ATG2A: variants seen among roughly 807,000 people sequenced by gnomAD.
ATG2A encodes the protein autophagy-related protein 2 homolog A.
A neutral mutation model predicts 214.2 loss-of-function variants in ATG2A; 103 were observed. The ratio of observed to expected loss-of-function variants is 0.48; its 90% CI spans 0.41 to 0.57. The LOEUF (loss-of-function observed/expected upper bound fraction) is 0.57. ATG2A is among the 20% of genes least tolerant of loss of function. The pLI, the probability that ATG2A is intolerant of heterozygous loss-of-function variation, is 0.00. For missense variants in ATG2A, 2,312 were observed against 2,613.2 expected, an observed-to-expected ratio of 0.88 and a Z score of 2.51; for synonymous variants, 1,160 against 1,142.1, an observed-to-expected ratio of 1.02 and a Z score of -0.32.
At chr11:64,911,359 G>T in intron 9 of ATG2A, 84 bp from the exon 10 acceptor site, 2 of 1,408,936 alleles carry the variant, frequency 1.4e-6, no homozygotes, top group South Asian at 1.2e-5. Flanking sequence ...CAGGCTGGGG[G>T]TTGGGAGGCC....
intron 19 of ATG2A, 47 bp from the exon 20 acceptor site, chr11:64,906,862 C>T: frequency 6.3e-7 from 1 of 1,579,162 alleles, no homozygotes; most frequent in Non-Finnish European, 8.6e-7. Context: ...CACTCAGCAA[C>T]CCTCAAGCCC....
intron 24 of ATG2A, 83 bp downstream of exon 24, chr11:64,905,480 C>T (rs192404303): frequency 8.0e-6 from 11 of 1,374,636 alleles, no homozygotes; most frequent in South Asian, 1.2e-5. Context: ...ACATTAAGAC[C>T]GAGAGCACCA....
rs116134067 is a variant in ATG2A, at chr11:64,896,253, G to A, written c.5427+209C>T. On this transcript the variant is annotated intron_variant, in intron 39 of 40. Transcript: ENST00000377264. The stretch of plus-strand genomic sequence containing the variant: ...AGGCCTGGGGGGCACTCCCGCTCCT[G>A]CATGGGAGCCCCTGTGGGCCTCGGG... 8.7e-4 allele frequency among the ~76,000 whole-genome samples: 132 copies of A among 152,374 alleles called. 1 individual carries two copies. The highest frequency in any genetic ancestry group is 3.1e-3 in the African/African-American group (127 of 41,588).
rs1232122897 is a variant in ATG2A at position 64,906,551 on chromosome 11, G to A, written c.2984-18C>T. The A allele has an allele frequency of 1.2e-6, 2 of 1,610,888 alleles. No homozygotes were observed. The highest frequency in any genetic ancestry group is 8.5e-7 in the Non-Finnish European group (1 of 1,178,496). ...CACGGCCGCTGGGGAGGGGTCTCAT[G>A]AGCCCCCTGCCAAGCCAACTGGCTA... On this transcript the variant is annotated intron_variant, in intron 20 of 40. Transcript: ENST00000377264.
rs753043293 is a variant in ATG2A, at chr11:64,903,243, T to G, written c.3612+45A>C. On this transcript the variant is annotated intron_variant, in intron 26 of 40. Transcript: ENST00000377264. This position sits in a 1 kb window ranked among gnomAD's most constrained non-coding sequence, Gnocchi z 4.2. Reference sequence around the variant, plus strand: ...AGCCCCTGAAGACTCCCTTGGCCCCTGCACCTGCTGTGGCTCCAGGAGCCA... The same window carrying G: ...AGCCCCTGAAGACTCCCTTGGCCCCGGCACCTGCTGTGGCTCCAGGAGCCA... The G allele has an allele frequency of 1.3e-6, 2 of 1,588,180 alleles. No homozygotes were observed. Among genetic ancestry groups the G allele is most frequent in the South Asian group, 2.2e-5 (2 of 90,252 alleles).
At position 64,914,188 on chromosome 11, in the gene ATG2A, G is replaced by A. The variant is rs987700044; in HGVS notation, c.380C>T (p.Thr127Ile). 5 of 1,553,636 alleles carry A rather than the reference G, an allele frequency of 3.2e-6. No individual in the cohort carries two copies. In the Admixed American group the frequency reaches 5.8e-5, roughly 18 times the overall value. The change falls in exon 3 of 41, where the codon ACA becomes ATA. Residue 127 changes from threonine (T) to isoleucine (I), a missense_variant. Physicochemically the swap from Thr to Ile is moderately conservative, Grantham distance 89. Transcript: ENST00000377264. ...DSQSWASCMT[T>I]SLQLAQECLR... ...ACACTCCTGGGCCAGCTGCAGGCTT[G>A]TGGTCATGCATGAGGCCCAGCTCTG...
Position 64,911,146 on chromosome 11 carries a change from G to A in ATG2A, c.1358C>T (p.Thr453Met), listed in dbSNP as rs1292349846. 7 of 1,614,174 alleles carry A rather than the reference G, an allele frequency of 4.3e-6. No homozygotes were observed. The highest frequency in any genetic ancestry group is 2.7e-5 in the African/African-American group (2 of 75,056). The change falls in exon 10 of 41, where the codon ACG becomes ATG. Residue 453 changes from threonine (T) to methionine (M), a missense_variant. Coordinates refer to ENST00000377264, the MANE Select transcript of ATG2A (RefSeq NM_015104.3). Reference protein sequence around the residue: ...APSSGPPDLATHFFTEFDATK... With the variant: ...APSSGPPDLAMHFFTEFDATK... Reference sequence around the variant, plus strand: ...GGCATCAAACTCGGTGAAAAAGTGCGTGGCGAGGTCAGGTGGTCCGGAAGA... The same window carrying A: ...GGCATCAAACTCGGTGAAAAAGTGCATGGCGAGGTCAGGTGGTCCGGAAGA...
At chr11:64,901,172 CTTCTTT>C in intron 29 of ATG2A, 80 bp from the exon 30 acceptor site, 2 of 1,391,204 alleles carry the variant, frequency 1.4e-6, no homozygotes, top group Non-Finnish European at 1.9e-6. Context: ...CCTGGCCTCA[CTTCTTT>C]TTCATTTTTT....
chr11:64,898,646 T>G lies in ATG2A; in HGVS notation c.4661A>C (p.His1554Pro). ...HTSERMPRRAHSNMLTIKALH... is the reference protein window; with the variant it reads ...HTSERMPRRAPSNMLTIKALH... Reference sequence around the variant, plus strand: ...GCAGGTCGCTCATACCATGTTAGAGTGGGCACGTCGCGGCATCCGCTCACT... The same window carrying G: ...GCAGGTCGCTCATACCATGTTAGAGGGGGCACGTCGCGGCATCCGCTCACT... Residue 1554 changes from histidine (H) to proline (P), a missense_variant, in exon 32 of 41, where the codon CAC (histidine) becomes CCC (proline). Physicochemically the swap from His to Pro is moderately conservative, Grantham distance 77. Coordinates refer to ENST00000377264, the MANE Select transcript of ATG2A (RefSeq NM_015104.3). This position sits in a 1 kb window ranked among gnomAD's most constrained non-coding sequence, Gnocchi z 4.5. The G allele has an allele frequency of 6.2e-7, 1 of 1,613,548 alleles. No individual in the cohort carries two copies. The highest frequency in any genetic ancestry group is 8.5e-7 in the Non-Finnish European group (1 of 1,179,762).
At chr11:64,915,874 G>C (rs1252017099) in intron 1 of ATG2A, among the ~76,000 whole-genome samples, 1 of 152,126 alleles carries the variant, frequency 6.6e-6, no homozygotes, top group African/African-American at 2.4e-5. Context: ...AGAGGTCAGA[G>C]AGGGCTTCCT....
At position 64,914,111 on chromosome 11, in the gene ATG2A, G is replaced by T; in HGVS notation, c.457C>A (p.Leu153Met). The change falls in exon 3 of 41, where the codon CTG (leucine) becomes ATG (methionine). Residue 153 changes from leucine to methionine, a missense_variant. Coordinates refer to ENST00000377264, the MANE Select transcript of ATG2A (RefSeq NM_015104.3). Reference protein sequence around the residue: ...PSEPPQPLEGLEMFAQTIETV... With the variant: ...PSEPPQPLEGMEMFAQTIETV... ...TCAATGGTCTGGGCAAACATCTCCA[G>T]CCCCTCCAGGGGCTGTGGTGGCTCA... 1 of 1,550,532 alleles carries T rather than the reference G, an allele frequency of 6.4e-7. No individual in the cohort carries two copies.
At chr11:64,905,718 C>T (rs1350710587) in intron 23 of ATG2A, 24 bp downstream of exon 23, 1 of 1,613,700 alleles carries the variant, frequency 6.2e-7, no homozygotes, top group Admixed American at 1.7e-5. Flanking sequence ...CCGTCCCCAG[C>T]CCCTGGCCCA....
At chr11:64,915,424 A>C (rs1944942126) in intron 1 of ATG2A, among the ~76,000 whole-genome samples, 1 of 152,182 alleles carries the variant, frequency 6.6e-6, no homozygotes, top group South Asian at 2.1e-4. Flanking sequence ...TAGAGACAGG[A>C]CTAATCTAGT....
At chr11:64,896,134 G>A (rs912854068) in intron 39 of ATG2A, among the ~76,000 whole-genome samples, 1 of 152,232 alleles carries the variant, frequency 6.6e-6, no homozygotes, top group African/African-American at 2.4e-5. Flanking sequence ...AACCAGGGCA[G>A]CCTCTGCGCC....
chr11:64,903,219 G>A lies in ATG2A; in HGVS notation c.3612+69C>T. The A allele has an allele frequency of 6.9e-7, 1 of 1,445,354 alleles. No homozygotes were observed. The highest frequency in any genetic ancestry group is 9.7e-7 in the Non-Finnish European group (1 of 1,032,022). 89.5% of individuals were successfully genotyped at this position (1,445,354 alleles called of 1,614,324 possible). A position where few individuals can be genotyped will look rare whatever the true frequency, so the allele number is the denominator to read the frequency against. ...AGCCCAGGCACGTGAGGGAGCAGCAGCCCCTGAAGACTCCCTTGGCCCCTG... is the reference window on the plus strand; with the variant it reads ...AGCCCAGGCACGTGAGGGAGCAGCAACCCCTGAAGACTCCCTTGGCCCCTG... On this transcript the variant is annotated intron_variant, in intron 26 of 40. Coordinates refer to ENST00000377264, the MANE Select transcript of ATG2A (RefSeq NM_015104.3). This position sits in a 1 kb window ranked among gnomAD's most constrained non-coding sequence, Gnocchi z 4.2.
Position 64,897,575 on chromosome 11 carries a change from T to A in ATG2A, c.5068-81A>T, listed in dbSNP as rs1028516586. The A allele has an allele frequency of 6.2e-6, 10 of 1,603,818 alleles. No homozygotes were observed. In the Admixed American group the frequency reaches 1.2e-4, roughly 19 times the overall value. On this transcript the variant is annotated intron_variant, in intron 36 of 40. Transcript: ENST00000377264. The stretch of plus-strand genomic sequence containing the variant: ...CCATGGGAGCCACTGGAGAGCGCCC[T>A]GGCTGCTAACAGTGCCTGGATGCAA...
intron 1 of ATG2A, among the ~76,000 whole-genome samples, chr11:64,914,961 A>C (rs1188581533): frequency 6.6e-6 from 1 of 151,502 alleles, no homozygotes; most frequent in Non-Finnish European, 1.5e-5. Context: ...AGGAGGGGCA[A>C]GCTGAAGAAT....
chr11:64,906,814 T>C lies in ATG2A; in HGVS notation c.2834A>G (p.Asp945Gly). The C allele has an allele frequency of 1.2e-6, 2 of 1,612,488 alleles. No individual in the cohort carries two copies. The highest frequency in any genetic ancestry group is 1.7e-6 in the Non-Finnish European group (2 of 1,179,654). ...AGCCTCCAGCCGCTTCCCACCCTCA[T>C]CCTGCAGAAGGAGCACACAGCCTGG... is the stretch of plus-strand genomic sequence containing the variant. The part of the protein sequence containing the change: ...GRITALCETK[D>G]EGGKRLEAVH... Residue 945 changes from aspartate to glycine, a missense_variant and splice_region_variant, in exon 20 of 41, where the codon GAT becomes GGT. By Grantham distance (94) the Asp-to-Gly change is moderately conservative. Coordinates refer to ENST00000377264, the MANE Select transcript of ATG2A (RefSeq NM_015104.3).
rs372353504 is a variant in ATG2A, at chr11:64,909,953, C to T, written c.1864-29G>A. On this transcript the variant is annotated intron_variant, in intron 13 of 40. Coordinates refer to ENST00000377264, the MANE Select transcript of ATG2A (RefSeq NM_015104.3). ...CAGGAGGATTGGGGGTCAGAGCAGC[C>T]GTCGGAGCCCCTCCCACTGTGACCA... 1.8e-5 allele frequency: 28 copies of T among 1,583,200 alleles called. No individual in the cohort carries two copies. In the African/African-American group the frequency reaches 2.3e-4, roughly 13 times the overall value.
Sources: allele counts gnomAD v4.1 joint callset (sites outside exome capture counted in the v4.1 genomes callset), GRCh38; gene constraint gnomAD v4.1.1; non-coding constraint Gnocchi (gnomAD v3.1); transcripts MANE v1.5; gene names NCBI Gene and HGNC (gene_info 2026-07-23, HGNC 2026-07-21).